The following GARRE1 variants were observed in gnomAD, a reference collection of about 807,000 sequenced individuals.
GARRE1 encodes the protein granule associated Rac and RHOG effector 1.
Under a neutral mutation model 103.2 loss-of-function variants are expected in GARRE1, and 49 were observed. The observed-to-expected ratio is 0.47, with a 90% CI of 0.38 to 0.60. The LOEUF is 0.60. Among genes scored for constraint, GARRE1 ranks in the 20% least tolerant of loss-of-function variants. The probability of loss-of-function intolerance (pLI) is 0.00; values close to 1 mark genes in which losing one functional copy is unlikely to be tolerated. For synonymous variants in GARRE1, 505 were observed against 532.8 expected (o/e 0.95, Z 0.72); for missense variants, 1,199 against 1,370.5 (o/e 0.87, Z 1.98).
intron 2 of GARRE1, among the ~76,000 whole-genome samples, chr19:34,309,050 A>G (rs186580079): frequency 6.6e-6 from 1 of 150,962 alleles, no homozygotes; most frequent in East Asian, 1.9e-4. Context: ...CACATCTAAT[A>G]TTAATAATAT....
intron 1 of GARRE1, among the ~76,000 whole-genome samples, chr19:34,277,274 T>C (rs947125567): frequency 2.6e-5 from 4 of 152,232 alleles, no homozygotes; most frequent in East Asian, 1.9e-4. Flanking sequence ...CCATTGGATA[T>C]AAATTCTTCA....
intron 1 of GARRE1, among the ~76,000 whole-genome samples, chr19:34,276,420 C>T (rs1426692419): frequency 1.3e-5 from 2 of 152,102 alleles, no homozygotes; most frequent in Non-Finnish European, 2.9e-5. Flanking sequence ...AAACATAACA[C>T]ATTTGATTGT....
chr19:34,337,161 C>T (rs2074164997), intron 8 of GARRE1, among the ~76,000 whole-genome samples: 1 of 151,132 alleles, frequency 6.6e-6, no homozygotes, highest in African/African-American at 2.4e-5. Context: ...TGCTATCCAT[C>T]CATGCTTTGT....
At chr19:34,289,973 G>A (rs1389688184) in intron 1 of GARRE1, among the ~76,000 whole-genome samples, 1 of 152,174 alleles carries the variant, frequency 6.6e-6, no homozygotes, top group African/African-American at 2.4e-5. Context: ...CACAGATGCT[G>A]GATGGCAGCA....
intron 1 of GARRE1, among the ~76,000 whole-genome samples, chr19:34,297,900 T>C (rs1469598920): frequency 2.6e-5 from 4 of 152,220 alleles, no homozygotes; most frequent in Admixed American, 2.0e-4. Context: ...TTATTGACTT[T>C]ATATGTTATG....
At position 34,300,549 on chromosome 19, in the gene GARRE1, G is replaced by A. The variant is rs759725775; in HGVS notation, c.76G>A (p.Val26Met). 25 of 1,613,458 alleles carry A rather than the reference G, an allele frequency of 1.5e-5. No homozygotes were observed. The highest frequency in any genetic ancestry group is 1.8e-5 in the Non-Finnish European group (21 of 1,180,028). Residue 26 changes from valine (V) to methionine (M), a missense_variant, in exon 2 of 14, where the codon GTG becomes ATG. Physicochemically the swap from Val to Met is conservative, Grantham distance 21. Transcript: ENST00000299505. The part of the protein sequence containing the change: ...RFLLGGSKQK[V>M]QQHQQYPMPE... ...CCTGCTTGGCGGGTCCAAGCAGAAG[G>A]TGCAGCAGCACCAGCAATACCCGAT...
At chr19:34,264,686 C>T (rs974661427) in intron 1 of GARRE1, among the ~76,000 whole-genome samples, 3 of 152,210 alleles carry the variant, frequency 2.0e-5, no homozygotes, top group Admixed American at 6.5e-5. Context: ...GTGTGAGCCA[C>T]CACGCCCGGC....
chr19:34,337,895 G>A (rs2074168378), intron 8 of GARRE1, among the ~76,000 whole-genome samples: 1 of 152,204 alleles, frequency 6.6e-6, no homozygotes, highest in African/African-American at 2.4e-5. Flanking sequence ...TTGGGAACAA[G>A]AGCAAATGTG....
rs397859412 is a variant in GARRE1, at chr19:34,324,503, CTT to C, written c.706-2901_706-2900del. Reference sequence around the variant, plus strand: ...TTAACAGAAAAATATCACCAGTGCACTTTTTTTTTTTTTTTTTTGAGACTGGG... The same window carrying C: ...TTAACAGAAAAATATCACCAGTGCACTTTTTTTTTTTTTTTTGAGACTGGG... On this transcript the variant is annotated intron_variant, in intron 3 of 13. Coordinates refer to ENST00000299505, the MANE Select transcript of GARRE1 (RefSeq NM_014686.5). 1.5e-3 allele frequency among the ~76,000 whole-genome samples: 204 copies of C among 135,406 alleles called. 1 individual carries two copies. The highest frequency in any genetic ancestry group is 4.4e-3 in the African/African-American group (165 of 37,150). The allele number at this position is 135,406 out of a possible 152,430, so 88.8% of individuals were successfully genotyped here.
At position 34,327,446 on chromosome 19, in the gene GARRE1, G is replaced by C. The variant is rs1179214888; in HGVS notation, c.731G>C (p.Gly244Ala). 6.2e-7 allele frequency: 1 copy of C among 1,614,058 alleles called. No homozygotes were observed. Among genetic ancestry groups the C allele is most frequent in the East Asian group, 2.2e-5 (1 of 44,856 alleles). ...AEATSRLRER[G>A]CDGCLAGIEV... is the part of the protein sequence containing the mutation. ...GCGACATCTAGACTAAGAGAAAGAGGCTGTGATGGTTGCCTGGCAGGAATT... is the reference window on the plus strand; with the variant it reads ...GCGACATCTAGACTAAGAGAAAGAGCCTGTGATGGTTGCCTGGCAGGAATT... The change falls in exon 4 of 14, where the codon GGC (glycine) becomes GCC (alanine). Residue 244 changes from glycine to alanine, a missense_variant. By Grantham distance (60) the Gly-to-Ala change is moderately conservative (BLOSUM62 0). Coordinates refer to ENST00000299505, the MANE Select transcript of GARRE1 (RefSeq NM_014686.5).
At chr19:34,301,388 C>T (rs2073977652) in intron 2 of GARRE1, among the ~76,000 whole-genome samples, 1 of 151,600 alleles carries the variant, frequency 6.6e-6, no homozygotes, top group Non-Finnish European at 1.5e-5. Context: ...ATCCAGAAGC[C>T]CTGACTACTC....
chr19:34,296,740 T>C (rs530009462), intron 1 of GARRE1: 3 of 660,556 alleles, frequency 4.5e-6, no homozygotes, highest in Non-Finnish European at 8.1e-6. Flanking sequence ...GACTTGGCCC[T>C]GTCTGTACCT....
intron 10 of GARRE1, among the ~76,000 whole-genome samples, chr19:34,343,657 G>A (rs1271508779): frequency 6.6e-6 from 1 of 151,890 alleles, no homozygotes; most frequent in Non-Finnish European, 1.5e-5. Context: ...GACCAGTTTG[G>A]CCAACATAGT....
At chr19:34,334,890 C>A (rs1271912364) in intron 8 of GARRE1, among the ~76,000 whole-genome samples, 1 of 151,906 alleles carries the variant, frequency 6.6e-6, no homozygotes, top group South Asian at 2.1e-4. Context: ...CCTGTCTCTA[C>A]TAAAAGTACA....
chr19:34,285,255 C>G (rs1014564656), intron 1 of GARRE1: 2 of 152,074 alleles, frequency 1.3e-5, no homozygotes, highest in Non-Finnish European at 2.9e-5. Context: ...TGATCACTGC[C>G]ATGAAGACAA....
intron 7 of GARRE1, among the ~76,000 whole-genome samples, chr19:34,332,386 C>T (rs1046794122): frequency 4.6e-5 from 7 of 151,994 alleles, no homozygotes; most frequent in African/African-American, 1.7e-4. Flanking sequence ...AATGAGTTCC[C>T]CTGAAAGGAG....
intron 1 of GARRE1, among the ~76,000 whole-genome samples, chr19:34,283,489 T>C (rs866274967): frequency 6.6e-6 from 1 of 152,210 alleles, no homozygotes; most frequent in Admixed American, 6.5e-5. Context: ...AAACATTTAG[T>C]GCTTAATATG....
intron 2 of GARRE1, among the ~76,000 whole-genome samples, chr19:34,312,520 C>G (rs1415138111): frequency 6.6e-6 from 1 of 152,204 alleles, no homozygotes; most frequent in Non-Finnish European, 1.5e-5. Context: ...ACTCTAGGAA[C>G]CTCGTATAAA....
At chr19:34,284,127 CTTTTTTTTTT>C (rs10608784) in intron 1 of GARRE1, among the ~76,000 whole-genome samples, 2 of 73,438 alleles carry the variant, frequency 2.7e-5, no homozygotes, top group Non-Finnish European at 2.5e-5. Context: ...GCCCGGCTTT[CTTTTTTTTTT>C]TTTTTTTTTT....
Sources: gnomAD v4.1 joint callset for allele counts (sites outside exome capture counted in the v4.1 genomes callset) on GRCh38, gnomAD v4.1.1 for gene constraint, MANE v1.5 for transcripts, NCBI Gene and HGNC (gene_info 2026-07-23, HGNC 2026-07-21) for gene names.